KHDRBS1: variants seen among roughly 807,000 people sequenced by gnomAD.
The protein encoded by KHDRBS1 is KH RNA binding domain containing, signal transduction associated 1.
A neutral mutation model predicts 48.4 loss-of-function variants in KHDRBS1; 7 were observed. The ratio of observed to expected loss-of-function variants is 0.14; its 90% CI spans 0.08 to 0.27. The LOEUF (loss-of-function observed/expected upper bound fraction) is 0.27, where lower values mean the gene tolerates loss of function less well. KHDRBS1 is among the 10% of genes least tolerant of loss of function. KHDRBS1 has a pLI of 1.00. For synonymous variants in KHDRBS1, 241 were observed against 235.8 expected (o/e 1.02, Z -0.20); for missense variants, 458 against 601.2 (o/e 0.76, Z 2.49).
rs1260868225 is a variant in KHDRBS1 at position 32,014,149 on chromosome 1, C to T, written c.154C>T (p.Arg52Cys). The T allele has an allele frequency of 3.8e-6, 5 of 1,306,582 alleles. No individual in the cohort carries two copies. Among genetic ancestry groups the T allele is most frequent in the Non-Finnish European group, 4.9e-6 (5 of 1,029,012 alleles). The allele number at this position is 1,306,582 out of a possible 1,614,324, so 80.9% of individuals were successfully genotyped here. The change falls in exon 1 of 9, where the codon CGC (arginine) becomes TGC (cysteine). Residue 52 changes from arginine to cysteine, a missense_variant. By Grantham distance (180) the Arg-to-Cys change is radical. Around this residue, in one of 3 missense-constraint regions of KHDRBS1, gnomAD observed 213 missense variants for 215.6 expected, o/e 0.99. Coordinates refer to ENST00000327300, the MANE Select transcript of KHDRBS1 (RefSeq NM_006559.3). ...HRSRGGGGGS[R>C]GGARASPATQ... ...GTCCCGGGGAGGCGGAGGGGGATCCCGCGGGGGCGCCCGGGCCTCGCCCGC... is the reference window on the plus strand; with the variant it reads ...GTCCCGGGGAGGCGGAGGGGGATCCTGCGGGGGCGCCCGGGCCTCGCCCGC...
chr1:32,026,676 G>A (rs1389487403), intron 1 of KHDRBS1, among the ~76,000 whole-genome samples: 1 of 152,158 alleles, frequency 6.6e-6, no homozygotes, highest in Non-Finnish European at 1.5e-5. Flanking sequence ...ACTTTGAATC[G>A]TCTTGCACTG....
intron 1 of KHDRBS1, among the ~76,000 whole-genome samples, chr1:32,024,742 T>C (rs1242869493): frequency 6.6e-6 from 1 of 152,032 alleles, no homozygotes; most frequent in Non-Finnish European, 1.5e-5. Context: ...GTTCACTGAG[T>C]TATTTTTGAG....
intron 10 of KHDRBS1, among the ~76,000 whole-genome samples, chr1:32,053,781 T>C (rs1406524889): frequency 1.3e-5 from 2 of 152,140 alleles, no homozygotes; most frequent in East Asian, 3.8e-4. Flanking sequence ...AGTGAGCTAA[T>C]GCATATAAAA....
intron 10 of KHDRBS1, among the ~76,000 whole-genome samples, chr1:32,053,162 T>C (rs944342051): frequency 6.6e-6 from 1 of 151,950 alleles, no homozygotes; most frequent in Non-Finnish European, 1.5e-5. Context: ...AAAAATAATA[T>C]ACCTATAAAA....
At chr1:32,024,006 C>T (rs768607791) in intron 1 of KHDRBS1, among the ~76,000 whole-genome samples, 1 of 152,234 alleles carries the variant, frequency 6.6e-6, no homozygotes, top group Admixed American at 6.5e-5. Flanking sequence ...AATTCCAGCA[C>T]TTTGGGAGGC....
chr1:32,035,605 A>G (rs1211306912), intron 4 of KHDRBS1, among the ~76,000 whole-genome samples: 2 of 152,172 alleles, frequency 1.3e-5, no homozygotes, highest in Non-Finnish European at 2.9e-5. Context: ...TATACCAGCA[A>G]TGCTTCACAG....
chr1:32,025,169 G>T (rs1354276605), intron 1 of KHDRBS1, among the ~76,000 whole-genome samples: 1 of 151,608 alleles, frequency 6.6e-6, no homozygotes, highest in East Asian at 1.9e-4. Flanking sequence ...GGGGTGCTGA[G>T]GTGGGAGGAT....
At chr1:32,022,249 T>C (rs1319914380) in intron 1 of KHDRBS1, among the ~76,000 whole-genome samples, 1 of 150,220 alleles carries the variant, frequency 6.7e-6, no homozygotes, top group Non-Finnish European at 1.5e-5. Flanking sequence ...CTGCCCACCT[T>C]GGCCTCCCAA....
In KHDRBS1 at chr1:32,033,328, A is replaced by G. The variant is rs770353319; in HGVS notation, c.765A>G (p.Leu255=). 4.3e-6 allele frequency: 7 copies of G among 1,613,990 alleles called. No individual in the cohort carries two copies. In the African/African-American group the frequency reaches 5.3e-5, roughly 12 times the overall value. Residue 255 remains leucine (L), a synonymous_variant, in exon 4 of 9, where the codon CTA becomes CTG. Transcript: ENST00000327300. ...AHAMEEVKKF[L]VPDMMDDICQ... is the part of the protein sequence containing the mutation. ...CCATGGAGGAAGTCAAGAAATTTCT[A>G]GTACCGGTAAGGAAATCCATATCCT...
At chr1:32,030,523 T>C in intron 2 of KHDRBS1, 101 bp downstream of exon 2, 1 of 1,000,000 alleles carries the variant, frequency 1.0e-6, no homozygotes. Context: ...CTTTAGAAAC[T>C]TAAGCCTGTG....
chr1:32,014,670 TC>T (rs1638700301), intron 1 of KHDRBS1, among the ~76,000 whole-genome samples: 1 of 152,216 alleles, frequency 6.6e-6, no homozygotes. Context: ...TCCTCCCTCC[TC>T]TTGCGGCTGC....
chr1:32,059,165 G>GGAA (rs1639514629), intron 10 of KHDRBS1, among the ~76,000 whole-genome samples: 1 of 45,996 alleles, frequency 2.2e-5, no homozygotes, highest in Non-Finnish European at 4.8e-5. Flanking sequence ...TGTCTCAGGA[G>GGAA]AAAAAAAAAA....
chr1:32,047,108 G>A (rs559867323), downstream of KHDRBS1, among the ~76,000 whole-genome samples: 8 of 152,226 alleles, frequency 5.3e-5, no homozygotes, highest in South Asian at 8.3e-4. Context: ...ATGTAGCTTC[G>A]CCCATTGATC....
chr1:32,046,300 C>T (rs550259291), downstream of KHDRBS1, among the ~76,000 whole-genome samples: 5 of 152,200 alleles, frequency 3.3e-5, no homozygotes, highest in East Asian at 1.9e-4. Context: ...CTGCAACCTC[C>T]GCCTCTGGGT....
intron 1 of KHDRBS1, among the ~76,000 whole-genome samples, chr1:32,015,386 A>T (rs1053417073): frequency 1.3e-5 from 2 of 152,198 alleles, no homozygotes; most frequent in Non-Finnish European, 2.9e-5. Flanking sequence ...TAAGCAAGTA[A>T]AAATTCACAT....
Position 32,038,634 on chromosome 1 carries a change from A to G in KHDRBS1, c.1175+15A>G. 6.2e-7 allele frequency: 1 copy of G among 1,613,470 alleles called. No individual in the cohort carries two copies. Among genetic ancestry groups the G allele is most frequent in the Non-Finnish European group, 8.5e-7 (1 of 1,179,492 alleles). On this transcript the variant is annotated intron_variant, in intron 7 of 8. Coordinates refer to ENST00000327300, the MANE Select transcript of KHDRBS1 (RefSeq NM_006559.3). ...CAGAGTCAAGGGTGAGTCAGGCAGT[A>G]TAAGCACTGTTTTTTGTCCTGAGGA... is the stretch of plus-strand genomic sequence containing the variant.
chr1:32,048,858 A>G (rs1280954304), downstream of KHDRBS1, among the ~76,000 whole-genome samples: 1 of 151,966 alleles, frequency 6.6e-6, no homozygotes, highest in Non-Finnish European at 1.5e-5. Context: ...TCTGTCTTCC[A>G]CCAATCTATT....
At chr1:32,040,830 C>G (rs1239690949) in intron 8 of KHDRBS1, among the ~76,000 whole-genome samples, 1 of 152,154 alleles carries the variant, frequency 6.6e-6, no homozygotes. Context: ...AAAGAGGAGC[C>G]CCTTAGGGCC....
chr1:32,014,353 C>T lies in KHDRBS1; in HGVS notation c.358C>T (p.His120Tyr). ...EKDSLDPSFTHAMQLLTAEIE... is the reference protein window; with the variant it reads ...EKDSLDPSFTYAMQLLTAEIE... ...GGACTCGCTCGACCCGTCCTTCACT[C>T]ACGCCATGCAGCTGCTGACGGCAGG... Residue 120 changes from histidine to tyrosine, a missense_variant, in exon 1 of 9, where the codon CAC becomes TAC. His to Tyr is a moderately conservative substitution (Grantham distance 83). Coordinates refer to ENST00000327300, the MANE Select transcript of KHDRBS1 (RefSeq NM_006559.3). 7 of 1,510,012 alleles carry T rather than the reference C, an allele frequency of 4.6e-6. No homozygotes were observed. Among genetic ancestry groups the T allele is most frequent in the Non-Finnish European group, 6.3e-6 (7 of 1,119,948 alleles). The allele number at this position is 1,510,012 out of a possible 1,614,324, so 93.5% of individuals were successfully genotyped here. A position where few individuals can be genotyped will look rare whatever the true frequency, so the allele number is the denominator to read the frequency against.
Sources: gnomAD v4.1 joint callset for allele counts (sites outside exome capture counted in the v4.1 genomes callset) on GRCh38, gnomAD v4.1.1 for gene constraint, gnomAD v4.1.1 regional missense constraint, MANE v1.5 for transcripts, NCBI Gene and HGNC (gene_info 2026-07-23, HGNC 2026-07-21) for gene names.